Variants in CCDC170 observed in about 807,000 individuals in gnomAD.
CCDC170 encodes coiled-coil domain containing 170.
A neutral mutation model predicts 72.6 loss-of-function variants in CCDC170; 69 were observed. That is an observed-to-expected ratio of 0.95 (90% confidence interval 0.78 to 1.16). The LOEUF (loss-of-function observed/expected upper bound fraction) is 1.16. Ranked by LOEUF, CCDC170 falls within the 50% of genes most tolerant of loss-of-function variation. CCDC170 has a pLI of 0.00. For missense variants in CCDC170, 852 were observed against 832.5 expected, an observed-to-expected ratio of 1.02 and a Z score of -0.29; for synonymous variants, 300 against 303.9, an observed-to-expected ratio of 0.99 and a Z score of 0.13.
chr6:151,537,926 G>C (rs1425421477), intron 2 of CCDC170, 119 bp from the exon 3 acceptor site: 2 of 989,048 alleles, frequency 2.0e-6, no homozygotes, highest in South Asian at 1.8e-5. Flanking sequence ...AAAAAATAAA[G>C]TTAGATTAAG....
intron 5 of CCDC170, among the ~76,000 whole-genome samples, chr6:151,557,845 T>C (rs989583147): frequency 7.2e-5 from 11 of 152,338 alleles, no homozygotes; most frequent in African/African-American, 2.6e-4. Flanking sequence ...TTGGGACAAA[T>C]CCCAGCACTT....
chr6:151,525,030 T>G (rs2115036397), intron 1 of CCDC170, among the ~76,000 whole-genome samples: 1 of 150,482 alleles, frequency 6.6e-6, no homozygotes, highest in Middle Eastern at 3.4e-3. Flanking sequence ...CCTCCCAGGT[T>G]CACGCCATTC....
intron 7 of CCDC170, among the ~76,000 whole-genome samples, chr6:151,590,653 C>G (rs77110159): frequency 6.6e-6 from 1 of 152,108 alleles, no homozygotes; most frequent in Admixed American, 6.5e-5. Context: ...ATACAGTAAT[C>G]CTTCATTTCT....
At position 151,537,309 on chromosome 6, in the gene CCDC170, AG is replaced by A. The variant is rs772366668; in HGVS notation, c.187-734del. ...CCTGTGATTTCTCACTAAGGCTGCC[AG>A]GACCCCATAGAACGATGAGTTGATA... On this transcript the variant is annotated intron_variant, in intron 2 of 10. Coordinates refer to ENST00000239374, the MANE Select transcript of CCDC170 (RefSeq NM_025059.4). Among the ~76,000 whole-genome samples the A allele has an allele frequency of 1.9e-4, 29 of 152,340 alleles. 1 individual carries two copies. The highest frequency in any genetic ancestry group is 1.0e-3 in the South Asian group (5 of 4,830).
chr6:151,570,838 AC>A, intron 5 of CCDC170, among the ~76,000 whole-genome samples: 1 of 152,218 alleles, frequency 6.6e-6, no homozygotes, highest in East Asian at 1.9e-4. Flanking sequence ...ACTTTTAAGG[AC>A]CGTCATTTAA....
Position 151,618,074 on chromosome 6 carries a change from C to T in CCDC170, c.2075C>T (p.Thr692Ile). The change falls in exon 11 of 11, where the codon ACC becomes ATC. Residue 692 changes from threonine to isoleucine, a missense_variant. Physicochemically the swap from Thr to Ile is moderately conservative, Grantham distance 89. Coordinates refer to ENST00000239374, the MANE Select transcript of CCDC170 (RefSeq NM_025059.4). ...LVHSHQHHFVTCACLKDVTTG... is the reference protein window; with the variant it reads ...LVHSHQHHFVICACLKDVTTG... Reference sequence around the variant, plus strand: ...CATTCACATCAGCATCACTTTGTTACCTGTGCCTGCCTCAAAGATGTGACT... The same window carrying T: ...CATTCACATCAGCATCACTTTGTTATCTGTGCCTGCCTCAAAGATGTGACT... 1.2e-6 allele frequency: 2 copies of T among 1,614,132 alleles called. No homozygotes were observed. Among genetic ancestry groups the T allele is most frequent in the Non-Finnish European group, 1.7e-6 (2 of 1,180,028 alleles).
At chr6:151,508,242 T>C (rs1293530723) in intron 1 of CCDC170, among the ~76,000 whole-genome samples, 1 of 152,136 alleles carries the variant, frequency 6.6e-6, no homozygotes, top group Non-Finnish European at 1.5e-5. Flanking sequence ...ACATATGAGC[T>C]AAAATATTAC....
chr6:151,530,573 C>G (rs1782479280), intron 1 of CCDC170, among the ~76,000 whole-genome samples: 1 of 151,934 alleles, frequency 6.6e-6, no homozygotes, highest in South Asian at 2.1e-4. Flanking sequence ...TCCTGAGTAG[C>G]TGGGATTACA....
chr6:151,550,709 A>G (rs566568719), intron 5 of CCDC170, among the ~76,000 whole-genome samples: 61 of 152,262 alleles, frequency 4.0e-4, no homozygotes, highest in African/African-American at 1.3e-3. Flanking sequence ...CAGAACCAAC[A>G]TGGTCAGGTT....
chr6:151,604,788 T>C (rs1481611426), intron 9 of CCDC170, among the ~76,000 whole-genome samples: 1 of 152,176 alleles, frequency 6.6e-6, no homozygotes, highest in Non-Finnish European at 1.5e-5. Flanking sequence ...CTGTACATAT[T>C]TTTGGGATAC....
chr6:151,498,198 C>T (rs1389284557), intron 1 of CCDC170, among the ~76,000 whole-genome samples: 1 of 152,072 alleles, frequency 6.6e-6, no homozygotes, highest in Non-Finnish European at 1.5e-5. Flanking sequence ...TTGAGCATCT[C>T]TTTCCTTTCT....
At chr6:151,535,635 C>T (rs566158406) in intron 1 of CCDC170, among the ~76,000 whole-genome samples, 3 of 152,274 alleles carry the variant, frequency 2.0e-5, no homozygotes, top group East Asian at 3.9e-4. Flanking sequence ...AAAACTGTCC[C>T]TCGTTACACA....
intron 9 of CCDC170, among the ~76,000 whole-genome samples, chr6:151,614,629 A>ATTTTTTT (rs34242496): frequency 2.2e-5 from 3 of 135,114 alleles, no homozygotes; most frequent in Non-Finnish European, 1.6e-5. Context: ...TAACTTTTGT[A>ATTTTTTT]TTTTTTTTTT....
chr6:151,598,571 G>C (rs9383931), intron 9 of CCDC170, among the ~76,000 whole-genome samples: 23,271 of 152,074 alleles, frequency 0.15, 1,955 homozygotes, highest in East Asian at 0.38. Context: ...GTGAGAGACC[G>C]TCACAAATTT....
chr6:151,604,183 C>T (rs1016320057), intron 9 of CCDC170, among the ~76,000 whole-genome samples: 9 of 152,156 alleles, frequency 5.9e-5, no homozygotes, highest in Admixed American at 5.2e-4. Context: ...TTTATATCTC[C>T]CACACAAGAC....
intron 5 of CCDC170, among the ~76,000 whole-genome samples, chr6:151,571,556 T>C (rs1359159144): frequency 1.3e-5 from 2 of 152,140 alleles, no homozygotes; most frequent in African/African-American, 4.8e-5. Flanking sequence ...GGAGAAACCC[T>C]GTCTCTACTA....
chr6:151,504,672 G>A (rs1487696655), intron 1 of CCDC170, among the ~76,000 whole-genome samples: 1 of 151,984 alleles, frequency 6.6e-6, no homozygotes. Flanking sequence ...TGGGGCAATG[G>A]TGGTGATGGT....
At chr6:151,607,630 A>AT (rs11411939) in intron 9 of CCDC170, among the ~76,000 whole-genome samples, 86,453 of 149,514 alleles carry the variant, frequency 0.58, 24,790 homozygotes, top group Non-Finnish European at 0.63. Context: ...GTTGATAGGC[A>AT]TTTTTTTTTT....
In CCDC170 at chr6:151,548,399, CAG is replaced by C. The variant is rs758385340; in HGVS notation, c.688_689del (p.Glu230AsnfsTer21). On this transcript the variant is annotated frameshift_variant, in exon 5 of 11. Coordinates refer to ENST00000239374, the MANE Select transcript of CCDC170 (RefSeq NM_025059.4). LOFTEE classifies it high-confidence loss of function. ...NVHEMEAKAS[R>X]ETIMRLASEV... Reference sequence around the variant, plus strand: ...TCCATGAGATGGAAGCAAAAGCTAGCAGAGAAACGATCATGAGGCTGGCTTCA... The same window carrying C: ...TCCATGAGATGGAAGCAAAAGCTAGCAGAAACGATCATGAGGCTGGCTTCA... 1.2e-6 allele frequency: 2 copies of C among 1,612,682 alleles called. No individual in the cohort carries two copies. The highest frequency in any genetic ancestry group is 2.2e-5 in the South Asian group (2 of 90,866).
Sources: allele counts gnomAD v4.1 joint callset (sites outside exome capture counted in the v4.1 genomes callset), GRCh38; gene constraint gnomAD v4.1.1; transcripts MANE v1.5; gene names NCBI Gene and HGNC (gene_info 2026-07-23, HGNC 2026-07-21).